Variants in SPNS2 observed in about 807,000 individuals in gnomAD.
SPNS2 encodes the protein sphingosine-1-phosphate transporter SPNS2.
In SPNS2, 37 loss-of-function variants were observed where a neutral mutation model predicts 57.6. The ratio of observed to expected loss-of-function variants is 0.64; its 90% CI spans 0.49 to 0.85. The LOEUF (loss-of-function observed/expected upper bound fraction) is 0.85, where lower values mean the gene tolerates loss of function less well. Among genes scored for constraint, SPNS2 ranks in the 40% least tolerant of loss-of-function variants. SPNS2 has a pLI of 0.00. For synonymous variants in SPNS2, 440 were observed against 346.9 expected (o/e 1.27, Z -2.98); for missense variants, 831 against 779.1 (o/e 1.07, Z -0.79).
chr17:4,531,234 G>C, intron 5 of SPNS2, 115 bp downstream of exon 5: 1 of 927,014 alleles, frequency 1.1e-6, no homozygotes, highest in Non-Finnish European at 1.7e-6. Context: ...TCCCCTGGCT[G>C]CGTGGACTCT....
chr17:4,514,727 C>T (rs562587638), intron 2 of SPNS2, among the ~76,000 whole-genome samples: 5 of 152,256 alleles, frequency 3.3e-5, no homozygotes. Flanking sequence ...ATAAGTCTGC[C>T]TGCCCTGCCG....
At chr17:4,534,344 G>A (rs1905659605) in intron 9 of SPNS2, 1 of 193,998 alleles carries the variant, frequency 5.2e-6, no homozygotes, top group Non-Finnish European at 1.1e-5. Context: ...GCAGGGGCTT[G>A]TGTCCCTGGG....
intron 11 of SPNS2, 123 bp downstream of exon 11, chr17:4,536,549 C>T: frequency 5.6e-6 from 7 of 1,239,844 alleles, no homozygotes; most frequent in South Asian, 1.5e-5. Context: ...TCAGTGCACC[C>T]ACTGGTTGCT....
Position 4,533,027 on chromosome 17 carries a change from C to CG in SPNS2, c.991dup (p.Ala331GlyfsTer109). The CG allele has an allele frequency of 6.2e-7, 1 of 1,613,338 alleles. No individual in the cohort carries two copies. Among genetic ancestry groups the CG allele is most frequent in the Non-Finnish European group, 8.5e-7 (1 of 1,179,942 alleles). On this transcript the variant is annotated frameshift_variant, in exon 7 of 13. Coordinates refer to ENST00000329078, the MANE Select transcript of SPNS2 (RefSeq NM_001124758.3). LOFTEE classifies it high-confidence loss of function. ...GCCACGTCGGCTGTCTCCTTCGCCA[C>CG]GGGGGCCCTGGGCATGTGGATCCCG...
rs1904397039 is a variant in SPNS2, at chr17:4,499,433, A to C, written c.370+16A>C. On this transcript the variant is annotated intron_variant, in intron 1 of 12. Transcript: ENST00000329078. The surrounding 1 kb of genome is among the most constrained non-coding windows in gnomAD (Gnocchi z 5.2). ...ACCGTGGCAGGTGAGCGAGTGCCCC[A>C]CCCAGCCCGAGGACCAAGACCCCAC... 4 of 1,307,042 alleles carry C rather than the reference A, an allele frequency of 3.1e-6. No homozygotes were observed. The highest frequency in any genetic ancestry group is 1.5e-5 in the African/African-American group (1 of 64,746). 81.0% of individuals were successfully genotyped at this position (1,307,042 alleles called of 1,614,324 possible).
At chr17:4,520,406 G>A (rs1905109539) in intron 2 of SPNS2, among the ~76,000 whole-genome samples, 2 of 152,168 alleles carry the variant, frequency 1.3e-5, no homozygotes, top group African/African-American at 4.8e-5. Flanking sequence ...GCCGGGGTCT[G>A]GCGAAGGTCT....
intron 9 of SPNS2, 89 bp from the exon 10 acceptor site, chr17:4,535,986 TG>T (rs1178206498): frequency 4.7e-6 from 5 of 1,063,306 alleles, no homozygotes; most frequent in East Asian, 2.5e-5. Context: ...TCTGAGGGTG[TG>T]GGGGCTTCAG....
At chr17:4,519,380 C>T (rs948376997) in intron 2 of SPNS2, among the ~76,000 whole-genome samples, 12 of 152,040 alleles carry the variant, frequency 7.9e-5, no homozygotes, top group African/African-American at 2.7e-4. Flanking sequence ...ACCAGGACAC[C>T]GAGGGCCCGT....
At position 4,525,112 on chromosome 17, in the gene SPNS2, C is replaced by T; in HGVS notation, c.492C>T (p.Arg164=). 6.2e-7 allele frequency: 1 copy of T among 1,614,230 alleles called. No individual in the cohort carries two copies. The highest frequency in any genetic ancestry group is 1.1e-5 in the South Asian group (1 of 91,092). Residue 164 remains arginine, a synonymous_variant, in exon 3 of 13, where the codon CGC becomes CGT. Coordinates refer to ENST00000329078, the MANE Select transcript of SPNS2 (RefSeq NM_001124758.3). ...CCATCTTCGGCTACCTGGGCGACCG[C>T]TTCAACAGGAAGGTGATTCTCAGCT... ...AAPIFGYLGD[R]FNRKVILSCG...
rs780369532 is a variant in SPNS2 at position 4,538,094 on chromosome 17, C to G, written c.*646C>G. ...TCACTGTCTCGGGTTGGCTCCCAGC[C>G]TGGAGGTCCCAGATGGGGACTGTTC... is the stretch of plus-strand genomic sequence containing the variant. On this transcript the variant is annotated 3_prime_UTR_variant, in exon 13 of 13. Coordinates refer to ENST00000329078, the MANE Select transcript of SPNS2 (RefSeq NM_001124758.3). 2.2e-4 allele frequency: 73 copies of G among 334,698 alleles called. 1 individual carries two copies. Among genetic ancestry groups the G allele is most frequent in the Admixed American group, 3.9e-4 (10 of 25,368 alleles). The allele number at this position is 334,698 out of a possible 1,614,324, so 20.7% of individuals were successfully genotyped here.
chr17:4,536,052 C>A, intron 9 of SPNS2, 24 bp from the exon 10 acceptor site: 1 of 1,602,566 alleles, frequency 6.2e-7, no homozygotes, highest in Non-Finnish European at 8.5e-7. Flanking sequence ...CCTCTGGCCG[C>A]TGACCTGCCC....
At chr17:4,520,562 C>A (rs998900653) in intron 2 of SPNS2, among the ~76,000 whole-genome samples, 1 of 152,060 alleles carries the variant, frequency 6.6e-6, no homozygotes, top group African/African-American at 2.4e-5. Flanking sequence ...GGTCTTTAGC[C>A]CAGTCCTCCC....
At chr17:4,536,716 T>C (rs1905834168) in intron 11 of SPNS2, 184 bp from the exon 12 acceptor site, 1 of 643,460 alleles carries the variant, frequency 1.6e-6, no homozygotes, top group Non-Finnish European at 2.7e-6. Flanking sequence ...TCTTTCTCCT[T>C]TCCTCTTTAC....
At chr17:4,533,530 T>C in intron 8 of SPNS2, 98 bp downstream of exon 8, 1 of 1,304,284 alleles carries the variant, frequency 7.7e-7, no homozygotes, top group Non-Finnish European at 1.0e-6. Flanking sequence ...GATGTTCCCT[T>C]CCCTCGGGGA....
At chr17:4,521,712 A>G (rs1905142438) in intron 2 of SPNS2, among the ~76,000 whole-genome samples, 1 of 152,380 alleles carries the variant, frequency 6.6e-6, no homozygotes, top group African/African-American at 2.4e-5. Context: ...TAACTACTCA[A>G]AAGTCCTCAC....
chr17:4,513,395 G>A (rs1279613690), intron 2 of SPNS2, 83 bp downstream of exon 2: 13 of 1,451,302 alleles, frequency 9.0e-6, no homozygotes, highest in Admixed American at 6.8e-5. Flanking sequence ...TCTGCCACCC[G>A]GTCTGTCTTC....
chr17:4,513,828 G>A (rs1904916207), intron 2 of SPNS2, among the ~76,000 whole-genome samples: 3 of 152,220 alleles, frequency 2.0e-5, no homozygotes, highest in Admixed American at 2.0e-4. Flanking sequence ...CCCGGGGCAG[G>A]CGCCTGAGAA....
intron 1 of SPNS2, among the ~76,000 whole-genome samples, chr17:4,506,698 G>A (rs1332312256): frequency 2.0e-5 from 3 of 152,184 alleles, no homozygotes; most frequent in Admixed American, 1.3e-4. Flanking sequence ...GGACTCGTGG[G>A]TGGGGAGGGG....
In SPNS2 at chr17:4,538,879, G is replaced by C. The variant is rs1021033190; in HGVS notation, c.*1431G>C. ...AGCGGGGCCCCAGCGATGTTTTCTT[G>C]TTGTACAAGAACCAGGTCCGAGTGT... On this transcript the variant is annotated 3_prime_UTR_variant, in exon 13 of 13. Coordinates refer to ENST00000329078, the MANE Select transcript of SPNS2 (RefSeq NM_001124758.3). The C allele has an allele frequency of 3.8e-6, 3 of 781,134 alleles. No individual in the cohort carries two copies. The highest frequency in any genetic ancestry group is 4.8e-6 in the Non-Finnish European group (2 of 418,288). 48.4% of individuals were successfully genotyped at this position (781,134 alleles called of 1,614,324 possible). A position where few individuals can be genotyped will look rare whatever the true frequency, so the allele number is the denominator to read the frequency against.
Sources: allele counts gnomAD v4.1 joint callset (sites outside exome capture counted in the v4.1 genomes callset), GRCh38; gene constraint gnomAD v4.1.1; non-coding constraint Gnocchi (gnomAD v3.1); transcripts MANE v1.5; gene names NCBI Gene and HGNC (gene_info 2026-07-23, HGNC 2026-07-21).